The following MYO1D variants were observed in gnomAD, a reference collection of about 807,000 sequenced individuals.
MYO1D encodes myosin ID.
In MYO1D, 83 loss-of-function variants were observed where a neutral mutation model predicts 122.0. The observed-to-expected ratio is 0.68, with a 90% CI of 0.57 to 0.82. MYO1D has a LOEUF of 0.82. Among genes scored for constraint, MYO1D ranks in the 40% least tolerant of loss-of-function variants. The probability of loss-of-function intolerance (pLI) is 0.00; values close to 1 mark genes in which losing one functional copy is unlikely to be tolerated. For missense variants in MYO1D, 1,157 were observed against 1,269.5 expected (o/e 0.91, Z 1.35); for synonymous variants, 464 against 446.9 (o/e 1.04, Z -0.48).
At chr17:32,635,079 A>G (rs2088079323) in intron 20 of MYO1D, among the ~76,000 whole-genome samples, 1 of 152,236 alleles carries the variant, frequency 6.6e-6, no homozygotes, top group South Asian at 2.1e-4. Context: ...ATCACCCAGC[A>G]TTGGTTGCTA....
At chr17:32,744,346 C>A (rs1418568185) in intron 13 of MYO1D, among the ~76,000 whole-genome samples, 1 of 152,162 alleles carries the variant, frequency 6.6e-6, no homozygotes, top group Non-Finnish European at 1.5e-5. Context: ...TCCTTCCCAG[C>A]CCCTCCTCAT....
At chr17:32,799,214 G>A (rs2090441274) in intron 1 of MYO1D, among the ~76,000 whole-genome samples, 1 of 152,016 alleles carries the variant, frequency 6.6e-6, no homozygotes, top group Admixed American at 6.5e-5. Flanking sequence ...AAATACATCA[G>A]GAAATGGAAA....
At chr17:32,744,636 T>C (rs1010605553) in intron 13 of MYO1D, among the ~76,000 whole-genome samples, 1 of 152,200 alleles carries the variant, frequency 6.6e-6, no homozygotes, top group African/African-American at 2.4e-5. Context: ...TGACCAGGAA[T>C]CCTCTTTCTT....
intron 1 of MYO1D, among the ~76,000 whole-genome samples, chr17:32,869,133 C>A (rs989888246): frequency 6.6e-6 from 1 of 151,736 alleles, no homozygotes; most frequent in Admixed American, 6.6e-5. Context: ...GCATGAGAAT[C>A]GCTTGAACCT....
In MYO1D at chr17:32,526,192, C is replaced by T. The variant is rs561650894; in HGVS notation, c.2865-31277G>A. On this transcript the variant is annotated intron_variant, in intron 21 of 21. Transcript: ENST00000318217. ...CTGGTTCCCCCACCAGATTGTAAACCCTGGGCAGGGTCTGGGTTCTGTTCA... is the reference window on the plus strand; with the variant it reads ...CTGGTTCCCCCACCAGATTGTAAACTCTGGGCAGGGTCTGGGTTCTGTTCA... Among the ~76,000 whole-genome samples, 3 of 152,138 alleles carry T rather than the reference C, an allele frequency of 2.0e-5. No homozygotes were observed. The South Asian group carries it at 6.2e-4, about 31-fold the overall frequency.
chr17:32,876,694 AC>A, intron 1 of MYO1D, 83 bp downstream of exon 1: 1 of 1,168,736 alleles, frequency 8.6e-7, no homozygotes, highest in Non-Finnish European at 1.2e-6. Flanking sequence ...CGCTCCCGAC[AC>A]CCCGGATCCG....
intron 18 of MYO1D, 63 bp downstream of exon 18, chr17:32,654,414 A>G: frequency 1.3e-6 from 2 of 1,504,270 alleles, no homozygotes; most frequent in Non-Finnish European, 1.8e-6. Flanking sequence ...CTTTGGAGAT[A>G]TGTACTTCTC....
Position 32,736,060 on chromosome 17 carries a change from TC to T in MYO1D, c.1746+2192del, listed in dbSNP as rs2089697462. ...CATATTATTTTGTTCTAAATGCAAC[TC>T]TTTTTTTTTTTTTCTGCTGTCCTCT... On this transcript the variant is annotated intron_variant, in intron 14 of 21. Coordinates refer to ENST00000318217, the MANE Select transcript of MYO1D (RefSeq NM_015194.3). Among the ~76,000 whole-genome samples, 7 of 151,732 alleles carry T rather than the reference TC, an allele frequency of 4.6e-5. No individual in the cohort carries two copies. In the South Asian group the frequency reaches 1.5e-3, roughly 31 times the overall value.
intron 21 of MYO1D, among the ~76,000 whole-genome samples, chr17:32,597,503 A>G (rs901760300): frequency 2.6e-5 from 4 of 152,034 alleles, no homozygotes; most frequent in African/African-American, 9.7e-5. Context: ...AAAAAAAGTC[A>G]TAGGAGATAT....
chr17:32,646,315 G>C (rs1440609458), intron 19 of MYO1D, among the ~76,000 whole-genome samples: 3 of 152,080 alleles, frequency 2.0e-5, no homozygotes, highest in African/African-American at 4.8e-5. Context: ...AGAGTTCATA[G>C]AGAATATCTA....
At chr17:32,866,052 A>T (rs1036981210) in intron 1 of MYO1D, among the ~76,000 whole-genome samples, 1 of 152,184 alleles carries the variant, frequency 6.6e-6, no homozygotes, top group Non-Finnish European at 1.5e-5. Flanking sequence ...GTATCACTAT[A>T]TTGCCTAGGC....
chr17:32,648,472 G>C (rs2088332172), intron 19 of MYO1D, among the ~76,000 whole-genome samples: 1 of 152,158 alleles, frequency 6.6e-6, no homozygotes, highest in Admixed American at 6.5e-5. Context: ...CTGCTAATCA[G>C]ATAACTGGTG....
intron 19 of MYO1D, among the ~76,000 whole-genome samples, chr17:32,653,308 A>C (rs537763449): frequency 7.5e-4 from 112 of 150,192 alleles, no homozygotes; most frequent in African/African-American, 2.7e-3. Context: ...TTTTTTTTCT[A>C]GTTTTAAAAA....
chr17:32,610,403 G>A (rs1208739356), intron 20 of MYO1D, among the ~76,000 whole-genome samples: 1 of 152,154 alleles, frequency 6.6e-6, no homozygotes, highest in East Asian at 1.9e-4. Flanking sequence ...CACAAATAAT[G>A]AAAGATTAAG....
At chr17:32,781,664 C>T (rs559243730) in intron 1 of MYO1D, among the ~76,000 whole-genome samples, 24 of 141,540 alleles carry the variant, frequency 1.7e-4, no homozygotes, top group African/African-American at 5.8e-4. Context: ...TTTATACACA[C>T]AGTAGGGTTA....
At chr17:32,684,252 G>C (rs938804728) in intron 16 of MYO1D, 12 of 153,960 alleles carry the variant, frequency 7.8e-5, no homozygotes, top group Admixed American at 5.9e-4. Flanking sequence ...GTTCCTATTC[G>C]GCCATCTTGG....
At chr17:32,795,883 G>A (rs1377378731) in intron 1 of MYO1D, among the ~76,000 whole-genome samples, 2 of 151,354 alleles carry the variant, frequency 1.3e-5, no homozygotes, top group African/African-American at 2.4e-5. Flanking sequence ...CTCACTTGGT[G>A]CTGAGGCCAT....
At chr17:32,766,688 A>C (rs1295234024) in intron 7 of MYO1D, among the ~76,000 whole-genome samples, 3 of 152,180 alleles carry the variant, frequency 2.0e-5, no homozygotes, top group Non-Finnish European at 4.4e-5. Context: ...GCTACTCAGG[A>C]GGCTGAGGCA....
At chr17:32,773,586 C>T (rs986204187) in intron 4 of MYO1D, among the ~76,000 whole-genome samples, 1 of 149,358 alleles carries the variant, frequency 6.7e-6, no homozygotes, top group African/African-American at 2.5e-5. Context: ...CTGGGCTTGC[C>T]TCCTCCACTA....
Sources: gnomAD v4.1 joint callset for allele counts (sites outside exome capture counted in the v4.1 genomes callset) on GRCh38, gnomAD v4.1.1 for gene constraint, MANE v1.5 for transcripts, NCBI Gene and HGNC (gene_info 2026-07-23, HGNC 2026-07-21) for gene names.